Variants in TBC1D1 observed in about 807,000 individuals in gnomAD.
The protein encoded by TBC1D1 is TBC1 (tre-2/USP6, BUB2, cdc16) domain family, member 1.
TBC1D1 carries 89 observed loss-of-function variants against 125.6 expected under a neutral mutation model. The ratio of observed to expected loss-of-function variants is 0.71; its 90% CI spans 0.60 to 0.85. The LOEUF (loss-of-function observed/expected upper bound fraction) is 0.85. Among genes scored for constraint, TBC1D1 ranks in the 40% least tolerant of loss-of-function variants. TBC1D1 has a pLI of 0.00. For synonymous variants in TBC1D1, 565 were observed against 564.1 expected, an observed-to-expected ratio of 1.00 and a Z score of -0.02; for missense variants, 1,377 against 1,469.2, an observed-to-expected ratio of 0.94 and a Z score of 1.03.
intron 13 of TBC1D1, among the ~76,000 whole-genome samples, chr4:38,093,518 T>C (rs1439593586): frequency 6.7e-6 from 1 of 149,040 alleles, no homozygotes; most frequent in Non-Finnish European, 1.5e-5. Context: ...CAAGGCCGTT[T>C]TCCCCCCCCT....
At position 38,115,672 on chromosome 4, in the gene TBC1D1, G is replaced by C. The variant is rs757819101; in HGVS notation, c.2558-38G>C. On this transcript the variant is annotated intron_variant, in intron 15 of 19. Coordinates refer to ENST00000261439, the MANE Select transcript of TBC1D1 (RefSeq NM_015173.4). Reference sequence around the variant, plus strand: ...CTGGTTCAATAGGCTTTCTTTTTTTGTTTTTATTATTACAACTAATATGTA... The same window carrying C: ...CTGGTTCAATAGGCTTTCTTTTTTTCTTTTTATTATTACAACTAATATGTA... 1.9e-6 allele frequency: 3 copies of C among 1,568,260 alleles called. No individual in the cohort carries two copies. In the South Asian group the frequency reaches 3.6e-5, roughly 19 times the overall value.
At chr4:38,065,553 A>T (rs144590948) in intron 12 of TBC1D1, among the ~76,000 whole-genome samples, 5 of 152,182 alleles carry the variant, frequency 3.3e-5, no homozygotes, top group Non-Finnish European at 7.3e-5. Context: ...TCAGATATTA[A>T]TAATAGCCAT....
At chr4:37,953,113 A>G (rs1459853665) in intron 2 of TBC1D1, among the ~76,000 whole-genome samples, 2 of 152,206 alleles carry the variant, frequency 1.3e-5, no homozygotes, top group African/African-American at 4.8e-5. Context: ...TTGCATTCGG[A>G]GCCAGTAATT....
At chr4:38,099,330 G>A (rs1274433996) in intron 14 of TBC1D1, among the ~76,000 whole-genome samples, 2 of 152,136 alleles carry the variant, frequency 1.3e-5, no homozygotes, top group African/African-American at 4.8e-5. Context: ...AATGAAAAGA[G>A]TACAGCATGG....
At chr4:37,943,797 G>A (rs915299090) in intron 2 of TBC1D1, among the ~76,000 whole-genome samples, 2 of 152,110 alleles carry the variant, frequency 1.3e-5, no homozygotes, top group African/African-American at 2.4e-5. Flanking sequence ...CCTTTAGCTG[G>A]GAGAAGTTTG....
rs186099739 is a variant in TBC1D1, at chr4:38,137,589, C to T, written c.*254C>T. 46 of 407,326 alleles carry T rather than the reference C, an allele frequency of 1.1e-4. No homozygotes were observed. Among genetic ancestry groups the T allele is most frequent in the South Asian group, 2.7e-4 (2 of 7,478 alleles). The allele number at this position is 407,326 out of a possible 1,614,324, so 25.2% of individuals were successfully genotyped here. ...TACTGTACACAGTAGCTTTAGATGG[C>T]GTGGACGTGAATAAATGCAACTTAT... On this transcript the variant is annotated 3_prime_UTR_variant, in exon 20 of 20. Coordinates refer to ENST00000261439, the MANE Select transcript of TBC1D1 (RefSeq NM_015173.4).
At chr4:38,059,859 G>A (rs116947971) in intron 12 of TBC1D1, among the ~76,000 whole-genome samples, 12 of 152,064 alleles carry the variant, frequency 7.9e-5, no homozygotes, top group Admixed American at 5.9e-4. Flanking sequence ...GTTATTTTTC[G>A]TAATGCTCTC....
chr4:37,998,384 G>A (rs1267330419), intron 2 of TBC1D1, among the ~76,000 whole-genome samples: 1 of 152,142 alleles, frequency 6.6e-6, no homozygotes, highest in East Asian at 1.9e-4. Flanking sequence ...CAGCAGCCCT[G>A]GTGATCCGTT....
chr4:38,026,099 T>C (rs1380004224), intron 6 of TBC1D1, among the ~76,000 whole-genome samples: 1 of 152,108 alleles, frequency 6.6e-6, no homozygotes, highest in Non-Finnish European at 1.5e-5. Flanking sequence ...AAAGGCCCAT[T>C]TCTAATATTC....
intron 2 of TBC1D1, among the ~76,000 whole-genome samples, chr4:38,002,033 C>T (rs35629987): frequency 2.6e-5 from 4 of 152,064 alleles, no homozygotes; most frequent in East Asian, 3.9e-4. Context: ...GTCTGTGGCA[C>T]GAAAAGTTTA....
chr4:38,039,328 G>A (rs763550207), intron 8 of TBC1D1, among the ~76,000 whole-genome samples: 32 of 151,660 alleles, frequency 2.1e-4, no homozygotes, highest in Non-Finnish European at 4.4e-4. Flanking sequence ...CGTGTTAGCC[G>A]TGATGGTCTC....
At chr4:38,064,196 G>A (rs1010108268) in intron 12 of TBC1D1, among the ~76,000 whole-genome samples, 12 of 152,184 alleles carry the variant, frequency 7.9e-5, no homozygotes, top group South Asian at 2.1e-4. Flanking sequence ...TTAATATTCC[G>A]TTGTATAGAG....
chr4:37,891,486 C>G (rs1171276211), intron 1 of TBC1D1, 138 bp downstream of exon 1: 2 of 151,990 alleles, frequency 1.3e-5, no homozygotes, highest in African/African-American at 2.4e-5. Flanking sequence ...GGACGCGAGG[C>G]CAGGGTCTCT....
chr4:38,133,031 C>T (rs1318749691), intron 18 of TBC1D1, 53 bp from the exon 21 acceptor site: 4 of 1,547,612 alleles, frequency 2.6e-6, no homozygotes, highest in Non-Finnish European at 3.5e-6. Flanking sequence ...CCTGCCTGTA[C>T]TTGTGGGGTT....
At chr4:38,012,359 C>T (rs923704553) in intron 2 of TBC1D1, among the ~76,000 whole-genome samples, 3 of 152,116 alleles carry the variant, frequency 2.0e-5, no homozygotes, top group Non-Finnish European at 4.4e-5. Context: ...TGGCTTACTG[C>T]AGCCTCCATC....
chr4:38,134,434 A>G (rs1452637489), intron 19 of TBC1D1, among the ~76,000 whole-genome samples: 1 of 151,974 alleles, frequency 6.6e-6, no homozygotes, highest in Non-Finnish European at 1.5e-5. Flanking sequence ...AACTGAAAAT[A>G]TGCCTGTATA....
chr4:37,977,470 G>C lies in TBC1D1; in HGVS notation c.418-37039G>C. 5 of 987,538 alleles carry C rather than the reference G, an allele frequency of 5.1e-6. No individual in the cohort carries two copies. Among genetic ancestry groups the C allele is most frequent in the Non-Finnish European group, 6.0e-6 (5 of 827,462 alleles). 61.2% of individuals were successfully genotyped at this position (987,538 alleles called of 1,614,324 possible). A position where few individuals can be genotyped will look rare whatever the true frequency, so the allele number is the denominator to read the frequency against. ...CCGGCGGCGGGAGTGAGCGGGAGCC[G>C]GCGGGCGAAGAGCCGCCGCCCGGCC... On this transcript the variant is annotated intron_variant, in intron 2 of 19. Transcript: ENST00000261439. The surrounding 1 kb of genome is among the most constrained non-coding windows in gnomAD (Gnocchi z 4.3).
intron 18 of TBC1D1, among the ~76,000 whole-genome samples, chr4:38,129,433 A>G (rs1395180767): frequency 6.6e-6 from 1 of 152,218 alleles, no homozygotes; most frequent in East Asian, 1.9e-4. Flanking sequence ...AAAATTGCTC[A>G]CATGCAGTGG....
chr4:37,904,130 GAGT>G (rs1158170745), intron 2 of TBC1D1, among the ~76,000 whole-genome samples: 1 of 152,158 alleles, frequency 6.6e-6, no homozygotes, highest in African/African-American at 2.4e-5. Flanking sequence ...TTATCCAATA[GAGT>G]TGCTGGAAAG....
Sources: gnomAD v4.1 joint callset for allele counts (sites outside exome capture counted in the v4.1 genomes callset) on GRCh38, gnomAD v4.1.1 for gene constraint, Gnocchi (gnomAD v3.1) non-coding constraint, MANE v1.5 for transcripts, NCBI Gene and HGNC (gene_info 2026-07-23, HGNC 2026-07-21) for gene names.